KCNIP4: variants seen among roughly 807,000 people sequenced by gnomAD.
KCNIP4 encodes potassium voltage-gated channel interacting protein 4, also known as Kv channel-interacting protein 4.
In KCNIP4, 12 loss-of-function variants were observed where a neutral mutation model predicts 34.0. That is an observed-to-expected ratio of 0.35 (90% CI 0.23 to 0.57). The LOEUF is 0.57. KCNIP4 is among the 20% of genes least tolerant of loss of function. KCNIP4 has a pLI of 0.83. For missense variants in KCNIP4, 238 were observed against 311.7 expected, an observed-to-expected ratio of 0.76 and a Z score of 1.78; for synonymous variants, 124 against 102.2, an observed-to-expected ratio of 1.21 and a Z score of -1.29.
At chr4:21,925,501 G>A (rs1729193873) in intron 1 of KCNIP4, among the ~76,000 whole-genome samples, 1 of 152,050 alleles carries the variant, frequency 6.6e-6, no homozygotes, top group Non-Finnish European at 1.5e-5. Context: ...CATTTAGGTT[G>A]GTTCCAAGTC....
chr4:21,902,399 A>C (rs1727754584), intron 1 of KCNIP4, among the ~76,000 whole-genome samples: 1 of 152,130 alleles, frequency 6.6e-6, no homozygotes. Flanking sequence ...AAATGAGAAA[A>C]CAAAGTAAAT....
At chr4:21,651,028 GTTACCAT>G (rs1747443598) in intron 1 of KCNIP4, among the ~76,000 whole-genome samples, 1 of 152,104 alleles carries the variant, frequency 6.6e-6, no homozygotes, top group South Asian at 2.1e-4. Flanking sequence ...TCAAATCTCT[GTTACCAT>G]AAAGAGCCTT....
intron 1 of KCNIP4, among the ~76,000 whole-genome samples, chr4:21,625,432 A>G (rs1467236702): frequency 6.6e-6 from 1 of 152,148 alleles, no homozygotes. Context: ...TGGGGAGTAG[A>G]GGAAGCTGAA....
intron 1 of KCNIP4, among the ~76,000 whole-genome samples, chr4:21,814,456 T>C (rs1001462470): frequency 6.6e-6 from 1 of 152,162 alleles, no homozygotes; most frequent in Non-Finnish European, 1.5e-5. Context: ...GGAGTTTCCC[T>C]GCACAAGCTC....
chr4:21,440,197 T>A (rs551013766), intron 1 of KCNIP4, among the ~76,000 whole-genome samples: 3 of 152,346 alleles, frequency 2.0e-5, no homozygotes, highest in Admixed American at 6.5e-5. Context: ...GTACAAGCCA[T>A]ACAAATTTAT....
chr4:21,353,076 TAACA>T (rs1718183644), intron 1 of KCNIP4, among the ~76,000 whole-genome samples: 1 of 152,076 alleles, frequency 6.6e-6, no homozygotes, highest in Non-Finnish European at 1.5e-5. Context: ...GAAGGAAAAC[TAACA>T]AACAGAAAGG....
At chr4:21,195,716 G>C (rs1756005142) in intron 1 of KCNIP4, among the ~76,000 whole-genome samples, 1 of 152,202 alleles carries the variant, frequency 6.6e-6, no homozygotes, top group African/African-American at 2.4e-5. Context: ...CCTTGAGGGT[G>C]ATAGTTATTC....
At chr4:20,773,772 A>T (rs1756122546) in intron 3 of KCNIP4, among the ~76,000 whole-genome samples, 3 of 152,174 alleles carry the variant, frequency 2.0e-5, no homozygotes, top group Non-Finnish European at 4.4e-5. Context: ...AAAATTAACT[A>T]TTTCTGGGAA....
At chr4:20,957,354 C>G (rs1733417702) in intron 1 of KCNIP4, among the ~76,000 whole-genome samples, 2 of 152,156 alleles carry the variant, frequency 1.3e-5, no homozygotes, top group Non-Finnish European at 2.9e-5. Context: ...ATCAGACACA[C>G]TATACTCATT....
intron 1 of KCNIP4, among the ~76,000 whole-genome samples, chr4:21,290,326 G>A (rs1235121568): frequency 6.6e-6 from 1 of 151,878 alleles, no homozygotes; most frequent in Admixed American, 6.6e-5. Context: ...GTTCCAAAGC[G>A]GACTGCTTTT....
intron 1 of KCNIP4, among the ~76,000 whole-genome samples, chr4:21,085,518 A>G (rs6853658): frequency 0.31 from 47,545 of 151,976 alleles, 8,013 homozygotes; most frequent in African/African-American, 0.44. Context: ...AAATCACCAG[A>G]CAATTTCCTG....
At chr4:21,442,252 C>G (rs1727548903) in intron 1 of KCNIP4, among the ~76,000 whole-genome samples, 1 of 152,098 alleles carries the variant, frequency 6.6e-6, no homozygotes, top group Non-Finnish European at 1.5e-5. Flanking sequence ...AAGTGAGACT[C>G]TTCATAATTT....
intron 1 of KCNIP4, among the ~76,000 whole-genome samples, chr4:20,887,802 TAGAG>T (rs967180618): frequency 1.3e-5 from 2 of 152,132 alleles, no homozygotes; most frequent in African/African-American, 4.8e-5. Flanking sequence ...CAGGTAGAAA[TAGAG>T]AGCACAGGAA....
chr4:21,578,559 T>C (rs1740941608), intron 1 of KCNIP4, among the ~76,000 whole-genome samples: 1 of 151,964 alleles, frequency 6.6e-6, no homozygotes, highest in African/African-American at 2.4e-5. Context: ...TTTTAAATAA[T>C]TTAAATATGG....
intron 1 of KCNIP4, chr4:21,846,148 T>TA (rs1724001009): frequency 6.6e-6 from 1 of 152,140 alleles, no homozygotes; most frequent in Non-Finnish European, 1.5e-5. Context: ...TTTTAAGCTC[T>TA]AATAGAAATT....
chr4:21,541,733 C>T (rs1008125055), intron 1 of KCNIP4, among the ~76,000 whole-genome samples: 4 of 152,074 alleles, frequency 2.6e-5, no homozygotes, highest in Non-Finnish European at 5.9e-5. Context: ...CTTTGACTTC[C>T]TGGGCTCAAG....
At chr4:21,611,559 T>C (rs1402597769) in intron 1 of KCNIP4, among the ~76,000 whole-genome samples, 2 of 152,188 alleles carry the variant, frequency 1.3e-5, no homozygotes, top group East Asian at 3.9e-4. Context: ...GTGTCGAATC[T>C]TGGTTTGTTA....
At chr4:21,823,520 C>A (rs7436174) in intron 1 of KCNIP4, among the ~76,000 whole-genome samples, 2,833 of 65,884 alleles carry the variant, frequency 0.043, 68 homozygotes, top group Middle Eastern at 0.098. Context: ...AAAAAAAAAA[C>A]AAAAAAACTA....
At chr4:21,571,936 C>T (rs1399038989) in intron 1 of KCNIP4, among the ~76,000 whole-genome samples, 2 of 152,116 alleles carry the variant, frequency 1.3e-5, no homozygotes, top group Non-Finnish European at 2.9e-5. Context: ...GTATGGCACA[C>T]TATTTCATTG....
Sources: allele counts gnomAD v4.1 joint callset (sites outside exome capture counted in the v4.1 genomes callset), GRCh38; gene constraint gnomAD v4.1.1; transcripts MANE v1.5; gene names NCBI Gene and HGNC (gene_info 2026-07-23, HGNC 2026-07-21).